Variants in PHEX observed in about 807,000 individuals in gnomAD.
PHEX encodes phosphate regulating endopeptidase X-linked, also known as phosphate-regulating neutral endopeptidase PHEX.
A neutral mutation model predicts 68.0 loss-of-function variants in PHEX; 16 were observed. The observed-to-expected ratio is 0.24, with a 90% confidence interval of 0.16 to 0.36. PHEX has a LOEUF of 0.36. Ranked by LOEUF, PHEX falls within the 10% of genes least tolerant of loss-of-function variation. PHEX has a pLI of 1.00. For synonymous variants in PHEX, 208 were observed against 205.1 expected (o/e 1.01, Z -0.12); for missense variants, 480 against 575.5 (o/e 0.83, Z 1.70).
At position 22,058,189 on chromosome X, in the gene PHEX, G is replaced by GA. The variant is rs368181258; in HGVS notation, c.349+10989dup. Among the ~76,000 whole-genome samples the GA allele has an allele frequency of 6.7e-3, 665 of 99,846 alleles. 5 individuals are homozygous for GA. The highest frequency in any genetic ancestry group is 0.022 in the African/African-American group (597 of 27,667). The allele number at this position is 99,846 out of a possible 115,157, so 86.7% of individuals were successfully genotyped here. A position where few individuals can be genotyped will look rare whatever the true frequency, so the allele number is the denominator to read the frequency against. The stretch of plus-strand genomic sequence containing the variant: ...GGTTCAAGTTTGGGTTCTGAGAAAA[G>GA]AAAAAAAAAAAGGGATTCTGCCACT... On this transcript the variant is annotated intron_variant, in intron 3 of 21. Coordinates refer to ENST00000379374, the MANE Select transcript of PHEX (RefSeq NM_000444.6).
At position 22,225,353 on chromosome X, in the gene PHEX, A is replaced by G. The variant is rs779951477; in HGVS notation, c.1900-1090A>G. Among the ~76,000 whole-genome samples the G allele has an allele frequency of 9.9e-5, 11 of 111,237 alleles. No homozygotes were observed. In the South Asian group the frequency reaches 2.7e-3, roughly 27 times the overall value. On this transcript the variant is annotated intron_variant, in intron 18 of 21. Coordinates refer to ENST00000379374, the MANE Select transcript of PHEX (RefSeq NM_000444.6). ...ATTTTTCCAGCTTCATTTTGTGGGG[A>G]CCATTCCTCTGTGCCTGAATCTTTC... is the stretch of plus-strand genomic sequence containing the variant.
chrX:22,133,488 G>A (rs1932100431), intron 11 of PHEX, 35 bp from the exon 12 acceptor site: 5 of 1,102,801 alleles, frequency 4.5e-6, no homozygotes, highest in Non-Finnish European at 1.3e-6. Context: ...AAGCTTCTTG[G>A]CTTTGACGTT....
intron 18 of PHEX, among the ~76,000 whole-genome samples, chrX:22,223,671 C>T (rs1260627846): frequency 1.0e-5 from 1 of 100,418 alleles, no homozygotes; most frequent in Non-Finnish European, 2.1e-5. Context: ...ATTGTTGGAA[C>T]CCTATAGTGA....
chrX:22,165,738 T>G (rs1933292076), intron 12 of PHEX, among the ~76,000 whole-genome samples: 1 of 112,012 alleles, frequency 8.9e-6, no homozygotes, highest in Non-Finnish European at 1.9e-5. Flanking sequence ...TAAGCTTCTC[T>G]TTTGCTTTTA....
chrX:22,130,515 C>G (rs1265266173), intron 11 of PHEX, among the ~76,000 whole-genome samples: 1 of 98,299 alleles, frequency 1.0e-5, no homozygotes, highest in African/African-American at 3.8e-5. Context: ...TGCCACTGCA[C>G]TCCAGCCTGG....
At chrX:22,095,070 G>C in intron 7 of PHEX, among the ~76,000 whole-genome samples, 1 of 111,627 alleles carries the variant, frequency 9.0e-6, no homozygotes, top group Non-Finnish European at 1.9e-5. Flanking sequence ...GGTTTTGTTT[G>C]GCGAGGTGGT....
intron 10 of PHEX, among the ~76,000 whole-genome samples, chrX:22,111,963 G>T (rs1055475744): frequency 8.9e-6 from 1 of 111,788 alleles, no homozygotes; most frequent in Non-Finnish European, 1.9e-5. Flanking sequence ...TATTTAAAAT[G>T]TGCATGATAG....
intron 18 of PHEX, among the ~76,000 whole-genome samples, chrX:22,226,228 T>TA (rs1935491316): frequency 9.0e-6 from 1 of 111,512 alleles, no homozygotes; most frequent in African/African-American, 3.3e-5. Context: ...GTGTGTAGCA[T>TA]AATGAAATAG....
intron 20 of PHEX, among the ~76,000 whole-genome samples, chrX:22,234,189 G>A (rs778755001): frequency 2.4e-4 from 27 of 112,965 alleles, no homozygotes; most frequent in Non-Finnish European, 4.3e-4. Flanking sequence ...GCACCTGCCA[G>A]ATGCCAGCCA....
chrX:22,039,351 T>G (rs1221927968), intron 2 of PHEX, among the ~76,000 whole-genome samples: 2 of 111,576 alleles, frequency 1.8e-5, no homozygotes, highest in East Asian at 5.7e-4. Flanking sequence ...TATCCCAGGG[T>G]GAAGATGAGT....
chrX:22,125,985 A>C (rs940514662), intron 11 of PHEX, among the ~76,000 whole-genome samples: 1 of 111,416 alleles, frequency 9.0e-6, no homozygotes, highest in Non-Finnish European at 1.9e-5. Flanking sequence ...TTCAATTTCA[A>C]CTCTGCTAGG....
intron 12 of PHEX, among the ~76,000 whole-genome samples, chrX:22,141,537 T>C (rs769022157): frequency 9.0e-6 from 1 of 110,846 alleles, no homozygotes; most frequent in South Asian, 3.9e-4. Flanking sequence ...GGAACTGTTG[T>C]TAAGCCCTGT....
intron 9 of PHEX, among the ~76,000 whole-genome samples, chrX:22,107,917 A>G (rs1341170606): frequency 1.8e-5 from 2 of 112,049 alleles, no homozygotes; most frequent in African/African-American, 6.5e-5. Context: ...AAAGACCCTT[A>G]TGTACTGACA....
Position 22,137,420 on chromosome X carries a change from G to A in PHEX, c.1404+3796G>A, listed in dbSNP as rs73636808. 4.4e-3 allele frequency among the ~76,000 whole-genome samples: 492 copies of A among 111,588 alleles called. 2 individuals carry two copies. Among genetic ancestry groups the A allele is most frequent in the African/African-American group, 0.015 (466 of 30,669 alleles). ...TGGCCACAGCAGGTGCAGAGAAGTC[G>A]GCTGAATGGTCCTAAATTTATTGGC... is the stretch of plus-strand genomic sequence containing the variant. On this transcript the variant is annotated intron_variant, in intron 12 of 21. Coordinates refer to ENST00000379374, the MANE Select transcript of PHEX (RefSeq NM_000444.6).
chrX:22,181,604 ATTTC>A (rs939862992), intron 14 of PHEX, among the ~76,000 whole-genome samples: 10 of 111,500 alleles, frequency 9.0e-5, no homozygotes, highest in African/African-American at 3.3e-4. Flanking sequence ...ATTTTTTTCT[ATTTC>A]TTTGAAGAAT....
chrX:22,226,425 C>A lies in PHEX; in HGVS notation c.1900-18C>A, dbSNP rs878942019. 8.8e-7 allele frequency: 1 copy of A among 1,141,266 alleles called. No homozygotes were observed. Among genetic ancestry groups the A allele is most frequent in the Non-Finnish European group, 1.2e-6 (1 of 845,211 alleles). 94.1% of individuals were successfully genotyped at this position (1,141,266 alleles called of 1,213,427 possible). A position where few individuals can be genotyped will look rare whatever the true frequency, so the allele number is the denominator to read the frequency against. ...AACACGCATTCATTTTTTTTTTTTCCTTTTTTCTTTCTGTTAGGTCAAGGG... is the reference window on the plus strand; with the variant it reads ...AACACGCATTCATTTTTTTTTTTTCATTTTTTCTTTCTGTTAGGTCAAGGG... On this transcript the variant is annotated intron_variant, in intron 18 of 21. Transcript: ENST00000379374.
intron 16 of PHEX, among the ~76,000 whole-genome samples, chrX:22,215,453 C>G (rs1226521989): frequency 1.8e-5 from 2 of 111,054 alleles, no homozygotes; most frequent in Admixed American, 9.6e-5. Context: ...TAGTCCTCAC[C>G]TGAGTGTTGA....
rs4824224 is a variant in PHEX at position 22,111,394 on chromosome X, C to T, written c.1080-73C>T. The T allele has an allele frequency of 0.21, 178,674 of 841,661 alleles. 13,629 individuals are homozygous for T. Among genetic ancestry groups the T allele is most frequent in the East Asian group, 0.28 (9,084 of 31,941 alleles). 69.4% of individuals were successfully genotyped at this position (841,661 alleles called of 1,213,427 possible). A position where few individuals can be genotyped will look rare whatever the true frequency, so the allele number is the denominator to read the frequency against. On this transcript the variant is annotated intron_variant, in intron 9 of 21. Transcript: ENST00000379374. ...CTCGATGGAGCTTTGCCAACTGTTT[C>T]TCTCAAGATGTTCTGCAGAGCATCA...
intron 5 of PHEX, among the ~76,000 whole-genome samples, chrX:22,089,408 T>G (rs1569386206): frequency 1.5e-5 from 1 of 66,973 alleles, no homozygotes; most frequent in Non-Finnish European, 3.0e-5. Context: ...TTTTTTTTGT[T>G]TTTTTTTTGT....
Sources: gnomAD v4.1 joint callset for allele counts (sites outside exome capture counted in the v4.1 genomes callset) on GRCh38, gnomAD v4.1.1 for gene constraint, MANE v1.5 for transcripts, NCBI Gene and HGNC (gene_info 2026-07-23, HGNC 2026-07-21) for gene names.